The following TAPT1 variants were observed in gnomAD, a reference collection of about 807,000 sequenced individuals.
TAPT1 encodes the protein transmembrane anterior posterior transformation 1.
A neutral mutation model predicts 65.6 loss-of-function variants in TAPT1; 28 were observed. The ratio of observed to expected loss-of-function variants is 0.43; its 90% CI spans 0.32 to 0.59. The LOEUF is 0.59. TAPT1 is among the 20% of genes least tolerant of loss of function. The pLI, the probability that TAPT1 is intolerant of heterozygous loss-of-function variation, is 0.09. For synonymous variants in TAPT1, 278 were observed against 245.2 expected (o/e 1.13, Z -1.25); for missense variants, 563 against 679.9 (o/e 0.83, Z 1.91).
At chr4:16,186,403 A>C in intron 7 of TAPT1, 132 bp downstream of exon 7, 1 of 582,910 alleles carries the variant, frequency 1.7e-6, no homozygotes, top group Admixed American at 3.6e-5. Flanking sequence ...AACCTAGTAA[A>C]GATGTTGATA....
intron 3 of TAPT1, among the ~76,000 whole-genome samples, 190 bp from the exon 4 acceptor site, chr4:16,191,713 T>C (rs976426309): frequency 1.3e-5 from 2 of 152,186 alleles, no homozygotes; most frequent in African/African-American, 4.8e-5. Context: ...TGTCCAAGTA[T>C]AGAATATAAA....
chr4:16,222,972 C>T (rs902673733), intron 1 of TAPT1, among the ~76,000 whole-genome samples: 1 of 152,180 alleles, frequency 6.6e-6, no homozygotes, highest in Non-Finnish European at 1.5e-5. Flanking sequence ...ATCTCCAACA[C>T]CTGCATTACA....
At chr4:16,189,464 A>C (rs1749224606) in intron 4 of TAPT1, among the ~76,000 whole-genome samples, 1 of 152,260 alleles carries the variant, frequency 6.6e-6, no homozygotes, top group Non-Finnish European at 1.5e-5. Context: ...AATGAATAAC[A>C]GCTACCATTT....
chr4:16,194,596 G>C (rs557936792), intron 3 of TAPT1, among the ~76,000 whole-genome samples: 1 of 152,014 alleles, frequency 6.6e-6, no homozygotes, highest in Admixed American at 6.5e-5. Context: ...TCAATAAATT[G>C]CTGTACAAAA....
chr4:16,186,527 G>C lies in TAPT1; in HGVS notation c.916+8C>G. On this transcript the variant is annotated splice_region_variant and intron_variant, in intron 7 of 13. Transcript: ENST00000405303. Reference sequence around the variant, plus strand: ...ACAGAACTTCAAGTAGAATCTAATTGTACATACCGCTATTTGACATTTGAA... The same window carrying C: ...ACAGAACTTCAAGTAGAATCTAATTCTACATACCGCTATTTGACATTTGAA... The C allele has an allele frequency of 6.6e-7, 1 of 1,510,996 alleles. No homozygotes were observed. Among genetic ancestry groups the C allele is most frequent in the Non-Finnish European group, 9.0e-7 (1 of 1,111,242 alleles). 93.6% of individuals were successfully genotyped at this position (1,510,996 alleles called of 1,614,324 possible).
At chr4:16,226,068 C>T (rs1751534774) in intron 1 of TAPT1, 191 bp downstream of exon 1, 1 of 1,019,300 alleles carries the variant, frequency 9.8e-7, no homozygotes, top group Non-Finnish European at 1.2e-6. Flanking sequence ...CGCGCGCAAC[C>T]CGCCCGAGGA....
chr4:16,182,046 C>T (rs1748742089), intron 7 of TAPT1, among the ~76,000 whole-genome samples: 1 of 152,182 alleles, frequency 6.6e-6, no homozygotes, highest in South Asian at 2.1e-4. Flanking sequence ...GATAAAGATA[C>T]AAAACTATAT....
At chr4:16,204,332 A>C (rs1183411008) in intron 2 of TAPT1, among the ~76,000 whole-genome samples, 5 of 152,240 alleles carry the variant, frequency 3.3e-5, no homozygotes, top group African/African-American at 9.6e-5. Context: ...CTGACTACAG[A>C]AAGCTTTGCA....
intron 12 of TAPT1, 119 bp from the exon 13 acceptor site, chr4:16,166,912 A>G: frequency 1.1e-6 from 1 of 912,804 alleles, no homozygotes; most frequent in Non-Finnish European, 1.6e-6. Flanking sequence ...CAGATTAGGG[A>G]TTTAGAGGAA....
chr4:16,165,337 G>A (rs1360177954), intron 13 of TAPT1, among the ~76,000 whole-genome samples: 2 of 152,104 alleles, frequency 1.3e-5, no homozygotes. Context: ...TTGGGAGGCC[G>A]AGGCAGGCGG....
intron 8 of TAPT1, chr4:16,176,466 A>AC: frequency 1.1e-5 from 3 of 262,042 alleles, no homozygotes; most frequent in Non-Finnish European, 2.1e-5. Flanking sequence ...TAATCCCAGC[A>AC]TTTTGGATCA....
chr4:16,163,549 T>C lies in TAPT1; in HGVS notation c.1475-12A>G, dbSNP rs1212481579. ...TTCTGTGGAAAGGCCTGTGATAAAA[T>C]AGATCCATTAAATTAGAGAAAGACT... is the stretch of plus-strand genomic sequence containing the variant. On this transcript the variant is annotated splice_polypyrimidine_tract_variant and intron_variant, in intron 13 of 13. Coordinates refer to ENST00000405303, the MANE Select transcript of TAPT1 (RefSeq NM_153365.3). The C allele has an allele frequency of 7.6e-6, 12 of 1,579,872 alleles. No individual in the cohort carries two copies. Among genetic ancestry groups the C allele is most frequent in the Non-Finnish European group, 1.0e-5 (12 of 1,151,652 alleles).
At chr4:16,182,427 T>C (rs1351148364) in intron 7 of TAPT1, among the ~76,000 whole-genome samples, 1 of 152,232 alleles carries the variant, frequency 6.6e-6, no homozygotes, top group African/African-American at 2.4e-5. Context: ...TTAAGAAGCT[T>C]AAAAACATTG....
intron 11 of TAPT1, among the ~76,000 whole-genome samples, chr4:16,171,565 CACATTTAAAAAG>C (rs1457555749): frequency 3.3e-5 from 5 of 151,950 alleles, no homozygotes; most frequent in African/African-American, 4.8e-5. Flanking sequence ...CATAATGGTA[CACATTTAAAAAG>C]ACATTTAAAA....
At position 16,186,860 on chromosome 4, in the gene TAPT1, A is replaced by G. The variant is rs768047657; in HGVS notation, c.767T>C (p.Ile256Thr). 1.1e-5 allele frequency: 17 copies of G among 1,610,638 alleles called. No individual in the cohort carries two copies. Among genetic ancestry groups the G allele is most frequent in the South Asian group, 4.4e-5 (4 of 90,692 alleles). Residue 256 changes from isoleucine to threonine, a missense_variant, in exon 6 of 14, where the codon ATA (isoleucine) becomes ACA (threonine). Coordinates refer to ENST00000405303, the MANE Select transcript of TAPT1 (RefSeq NM_153365.3). ...ATTGAGAGTTGTTGCTTGAACCATT[A>G]TAAGAATTGCATGCAAAACTAATAG... ...VLYVFLHAIL[I>T]MVQATTLNVA... is the part of the protein sequence containing the mutation.
rs147144859 is a variant in TAPT1 at position 16,188,753 on chromosome 4, T to C, written c.613-398A>G. ...GGCTAACACAGTGAAACGCCGTCTC[T>C]ACTAAAAATACAAAAAATTAGCCGG... On this transcript the variant is annotated intron_variant, in intron 4 of 13. Coordinates refer to ENST00000405303, the MANE Select transcript of TAPT1 (RefSeq NM_153365.3). Among the ~76,000 whole-genome samples the C allele has an allele frequency of 2.0e-3, 309 of 152,176 alleles. 8 individuals are homozygous for C. In the East Asian group the frequency reaches 0.052, roughly 26 times the overall value.
At chr4:16,208,026 A>G (rs1392655518) in intron 2 of TAPT1, among the ~76,000 whole-genome samples, 1 of 152,242 alleles carries the variant, frequency 6.6e-6, no homozygotes, top group Non-Finnish European at 1.5e-5. Flanking sequence ...GAACATATAT[A>G]AACACGGAAA....
chr4:16,225,221 A>G (rs1258890053), intron 1 of TAPT1, among the ~76,000 whole-genome samples: 1 of 152,260 alleles, frequency 6.6e-6, no homozygotes, highest in South Asian at 2.1e-4. Flanking sequence ...TCTGGGAATC[A>G]GCAAATCAAT....
In TAPT1 at chr4:16,176,137, G is replaced by A; in HGVS notation, c.1089C>T (p.Phe363=). Residue 363 remains phenylalanine (F), a synonymous_variant, in exon 9 of 14, where the codon TTC becomes TTT. Coordinates refer to ENST00000405303, the MANE Select transcript of TAPT1 (RefSeq NM_153365.3). ...DIVKHAFITK[F]NDITADVYSE... ...TACATACATCTGCAGTAATGTCATT[G>A]AATTTAGTAATAAAGGCATGTTTTA... The A allele has an allele frequency of 6.5e-7, 1 of 1,541,160 alleles. No individual in the cohort carries two copies.
Sources: allele counts gnomAD v4.1 joint callset (sites outside exome capture counted in the v4.1 genomes callset), GRCh38; gene constraint gnomAD v4.1.1; transcripts MANE v1.5; gene names NCBI Gene and HGNC (gene_info 2026-07-23, HGNC 2026-07-21).